The following DET1 variants were observed in gnomAD, a reference collection of about 807,000 sequenced individuals.
The protein encoded by DET1 is DET1 partner of COP1 E3 ubiquitin ligase.
Under a neutral mutation model 43.7 loss-of-function variants are expected in DET1, and 22 were observed. The observed-to-expected ratio is 0.50, with a 90% CI of 0.36 to 0.72. DET1 has a LOEUF of 0.72. DET1 is among the 30% of genes least tolerant of loss of function. The pLI is 0.00. For missense variants in DET1, 713 were observed against 713.3 expected (o/e 1.00, Z 0.00); for synonymous variants, 315 against 266.2 (o/e 1.18, Z -1.79).
At chr15:88,524,136 G>A (rs866150752) in intron 3 of DET1, among the ~76,000 whole-genome samples, 45 of 148,708 alleles carry the variant, frequency 3.0e-4, no homozygotes, top group African/African-American at 9.4e-4. Context: ...CCGCCCCGTC[G>A]GGGATGTAAG....
chr15:88,531,030 T>G lies in DET1; in HGVS notation c.676A>C (p.Lys226Gln), dbSNP rs2056798026. Residue 226 changes from lysine to glutamine, a missense_variant, in exon 2 of 5, where the codon AAA (lysine) becomes CAA (glutamine). Coordinates refer to ENST00000268148, the MANE Select transcript of DET1 (RefSeq NM_001144074.3). The surrounding 1 kb of genome is among the most constrained non-coding windows in gnomAD (Gnocchi z 6.2). ...LSHNQGLYLYKNILAILSVQQ... is the reference protein window; with the variant it reads ...LSHNQGLYLYQNILAILSVQQ... ...ACAGACAAGATGGCCAGGATGTTTT[T>G]GTACAAGTACAGCCCTTGGTTGTGT... 1 of 1,613,640 alleles carries G rather than the reference T, an allele frequency of 6.2e-7. No individual in the cohort carries two copies. The highest frequency in any genetic ancestry group is 1.3e-5 in the African/African-American group (1 of 75,046).
chr15:88,524,976 A>G (rs1019529582), intron 3 of DET1, among the ~76,000 whole-genome samples: 1 of 152,230 alleles, frequency 6.6e-6, no homozygotes, highest in East Asian at 1.9e-4. Context: ...TTTTCAATGT[A>G]TATATACATT....
chr15:88,514,119 G>C (rs2056279577), intron 4 of DET1, among the ~76,000 whole-genome samples: 1 of 152,050 alleles, frequency 6.6e-6, no homozygotes, highest in African/African-American at 2.4e-5. Context: ...CTTTTAAAAG[G>C]TTCTTTTTCA....
At chr15:88,538,026 C>A (rs2056997299) in intron 1 of DET1, among the ~76,000 whole-genome samples, 1 of 152,218 alleles carries the variant, frequency 6.6e-6, no homozygotes, top group Non-Finnish European at 1.5e-5. Flanking sequence ...GTAACCAGGT[C>A]TACCTCGGTC....
At position 88,516,899 on chromosome 15, in the gene DET1, G is replaced by T; in HGVS notation, c.1346C>A (p.Pro449His). The change falls in exon 4 of 5, where the codon CCC becomes CAC. Residue 449 changes from proline (P) to histidine (H), a missense_variant. Transcript: ENST00000268148. This position sits in a 1 kb window ranked among gnomAD's most constrained non-coding sequence, Gnocchi z 4.4. ...ACCGCTGTAAGACTGAGCACTGATG[G>T]GGAGCTGACCCAGCAGCCGGCGTAC... ...EAVRRLLGQL[P>H]ISAQSYSGSP... 1.9e-6 allele frequency: 3 copies of T among 1,610,974 alleles called. No individual in the cohort carries two copies. Among genetic ancestry groups the T allele is most frequent in the Non-Finnish European group, 2.5e-6 (3 of 1,178,598 alleles).
In DET1 at chr15:88,515,538, T is replaced by TAAAAAAAAAAAA. The variant is rs1491544233; in HGVS notation, c.1463+1243_1463+1244insTTTTTTTTTTTT. 2.7e-3 allele frequency among the ~76,000 whole-genome samples: 129 copies of TAAAAAAAAAAAA among 47,478 alleles called. 60 individuals are homozygous for TAAAAAAAAAAAA. The highest frequency in any genetic ancestry group is 3.2e-3 in the Non-Finnish European group (93 of 29,194). 31.1% of individuals were successfully genotyped at this position (47,478 alleles called of 152,430 possible). A position where few individuals can be genotyped will look rare whatever the true frequency, so the allele number is the denominator to read the frequency against. On this transcript the variant is annotated intron_variant, in intron 4 of 4. Coordinates refer to ENST00000268148, the MANE Select transcript of DET1 (RefSeq NM_001144074.3). Reference sequence around the variant, plus strand: ...TGGGCAACAGACAGAGACTCCGTCTTATAAAAAAAAAAAAAAAAAAAAAAA... The same window carrying TAAAAAAAAAAAA: ...TGGGCAACAGACAGAGACTCCGTCTTAAAAAAAAAAAAATAAAAAAAAAAAAAAAAAAAAAAA...
chr15:88,518,064 A>T, intron 3 of DET1, among the ~76,000 whole-genome samples: 1 of 150,934 alleles, frequency 6.6e-6, no homozygotes, highest in Non-Finnish European at 1.5e-5. Context: ...TCAGCTTCCC[A>T]AGTAGCCAGG....
intron 1 of DET1, among the ~76,000 whole-genome samples, chr15:88,532,639 G>C (rs2056845276): frequency 6.6e-6 from 1 of 152,134 alleles, no homozygotes; most frequent in Non-Finnish European, 1.5e-5. Flanking sequence ...ATAAACTCTG[G>C]CATATATGGT....
rs116110422 is a variant in DET1, at chr15:88,530,671, C to T, written c.1035G>A (p.Lys345=). The T allele has an allele frequency of 1.4e-3, 2,260 of 1,613,576 alleles. 27 individuals are homozygous for T. The African/African-American group carries it at 0.026, about 19-fold the overall frequency. The change falls in exon 2 of 5, where the codon AAG becomes AAA. Residue 345 remains lysine, a synonymous_variant. Transcript: ENST00000268148. ...QLLDENHLFI[K]YTSEDVVTLR... ...GTGTTACTACATCCTCACTAGTGTACTTGATAAACAGGTGGTTTTCATCCA... is the reference window on the plus strand; with the variant it reads ...GTGTTACTACATCCTCACTAGTGTATTTGATAAACAGGTGGTTTTCATCCA...
Position 88,531,785 on chromosome 15 carries a change from T to A in DET1, c.-10-70A>T. Reference sequence around the variant, plus strand: ...TTACCAAAATATAAATATATACAAGTGAAACAGATTTCTCTTCTTATATCC... The same window carrying A: ...TTACCAAAATATAAATATATACAAGAGAAACAGATTTCTCTTCTTATATCC... On this transcript the variant is annotated intron_variant, in intron 1 of 4. Coordinates refer to ENST00000268148, the MANE Select transcript of DET1 (RefSeq NM_001144074.3). The surrounding 1 kb of genome is among the most constrained non-coding windows in gnomAD (Gnocchi z 6.2). 7.2e-7 allele frequency: 1 copy of A among 1,394,944 alleles called. No individual in the cohort carries two copies. Among genetic ancestry groups the A allele is most frequent in the Non-Finnish European group, 9.6e-7 (1 of 1,045,346 alleles). The allele number at this position is 1,394,944 out of a possible 1,614,324, so 86.4% of individuals were successfully genotyped here. A position where few individuals can be genotyped will look rare whatever the true frequency, so the allele number is the denominator to read the frequency against.
In DET1 at chr15:88,527,893, A is replaced by AAACAAC. The variant is rs3217481; in HGVS notation, c.1084-113_1084-108dup. On this transcript the variant is annotated intron_variant, in intron 2 of 4. Coordinates refer to ENST00000268148, the MANE Select transcript of DET1 (RefSeq NM_001144074.3). ...AAAATTCAAGGCATGAATTTTCCAA[A>AAACAAC]AACAACAACAACAACAACAACAACA... 1,226 of 461,100 alleles carry AAACAAC rather than the reference A, an allele frequency of 2.7e-3. 7 individuals carry two copies. The highest frequency in any genetic ancestry group is 9.0e-3 in the Middle Eastern group (29 of 3,222). The allele number at this position is 461,100 out of a possible 1,614,324, so 28.6% of individuals were successfully genotyped here. A position where few individuals can be genotyped will look rare whatever the true frequency, so the allele number is the denominator to read the frequency against.
chr15:88,513,210 A>G (rs2056241484), intron 4 of DET1, 70 bp from the exon 5 acceptor site: 2 of 1,461,230 alleles, frequency 1.4e-6, no homozygotes, highest in Non-Finnish European at 1.8e-6. Flanking sequence ...ACTGAAATCT[A>G]GACAGCAGGG....
Position 88,516,678 on chromosome 15 carries a change from G to T in DET1, c.1463+104C>A. On this transcript the variant is annotated intron_variant, in intron 4 of 4. Transcript: ENST00000268148. The surrounding 1 kb of genome is among the most constrained non-coding windows in gnomAD (Gnocchi z 4.4). Reference sequence around the variant, plus strand: ...CCTGCCTTTTCAACCTTACCCATGAGTACGAGTCACAGTCACAATCAAATG... The same window carrying T: ...CCTGCCTTTTCAACCTTACCCATGATTACGAGTCACAGTCACAATCAAATG... 9.7e-7 allele frequency: 1 copy of T among 1,033,452 alleles called. No individual in the cohort carries two copies. Among genetic ancestry groups the T allele is most frequent in the Non-Finnish European group, 1.3e-6 (1 of 748,256 alleles). The allele number at this position is 1,033,452 out of a possible 1,614,324, so 64.0% of individuals were successfully genotyped here. A position where few individuals can be genotyped will look rare whatever the true frequency, so the allele number is the denominator to read the frequency against.
In DET1 at chr15:88,504,661, C is replaced by T. The variant is rs1333011590; in HGVS notation, c.*2066-674G>A. On this transcript the variant is annotated intron_variant and NMD_transcript_variant, in intron 7 of 8. Transcript: ENST00000557842. The surrounding 1 kb of genome is among the most constrained non-coding windows in gnomAD (Gnocchi z 4.7). ...CAATCCAGAGCCCACACCTCAAGCA[C>T]CTTTTTATAGGGCTCTCACACTCAG... 6.6e-6 allele frequency: 1 copy of T among 152,152 alleles called. No individual in the cohort carries two copies. The highest frequency in any genetic ancestry group is 6.5e-5 in the Admixed American group (1 of 15,274). 9.4% of individuals were successfully genotyped at this position (152,152 alleles called of 1,614,324 possible). A position where few individuals can be genotyped will look rare whatever the true frequency, so the allele number is the denominator to read the frequency against.
intron 1 of DET1, among the ~76,000 whole-genome samples, chr15:88,545,493 G>T (rs7175106): frequency 2.0e-5 from 3 of 151,908 alleles, no homozygotes; most frequent in Non-Finnish European, 4.4e-5. Context: ...ACATCCCCTG[G>T]TATCAAAACA....
intron 3 of DET1, among the ~76,000 whole-genome samples, chr15:88,522,618 C>A (rs1473753839): frequency 6.8e-6 from 1 of 146,574 alleles, no homozygotes; most frequent in African/African-American, 2.5e-5. Context: ...ACGCCATTCT[C>A]CTGTCTCAGC....
downstream of DET1, among the ~76,000 whole-genome samples, chr15:88,510,310 A>G (rs1167252777): frequency 1.3e-5 from 2 of 152,174 alleles, no homozygotes. Context: ...AAAAGATAGA[A>G]GATTGGCCTA....
downstream of DET1, among the ~76,000 whole-genome samples, chr15:88,509,266 T>A (rs2056172599): frequency 6.6e-6 from 1 of 152,142 alleles, no homozygotes; most frequent in Non-Finnish European, 1.5e-5. Flanking sequence ...TCCTCCCACC[T>A]TGGCCTCCCA....
intron 3 of DET1, among the ~76,000 whole-genome samples, chr15:88,523,437 C>T (rs915967987): frequency 2.5e-4 from 38 of 152,040 alleles, no homozygotes; most frequent in Admixed American, 3.9e-4. Context: ...CTCCCCTTTC[C>T]ACGGTCTCCC....
Sources: gnomAD v4.1 joint callset for allele counts (sites outside exome capture counted in the v4.1 genomes callset) on GRCh38, gnomAD v4.1.1 for gene constraint, Gnocchi (gnomAD v3.1) non-coding constraint, MANE v1.5 for transcripts, NCBI Gene and HGNC (gene_info 2026-07-23, HGNC 2026-07-21) for gene names.